The following ADARB2 variants were observed in gnomAD, a reference collection of about 807,000 sequenced individuals.
ADARB2 encodes inactive double-stranded RNA-specific editase B2.
Under a neutral mutation model 62.2 loss-of-function variants are expected in ADARB2, and 25 were observed. That is an observed-to-expected ratio of 0.40 (90% CI 0.29 to 0.56). The LOEUF is 0.56. ADARB2 is among the 20% of genes least tolerant of loss of function. ADARB2 has a pLI of 0.43. For synonymous variants in ADARB2, 572 were observed against 500.8 expected (o/e 1.14, Z -1.90); for missense variants, 1,071 against 1,077.4 (o/e 0.99, Z 0.08).
At position 1,379,445 on chromosome 10, in the gene ADARB2, C is replaced by T. The variant is rs576249717; in HGVS notation, c.101-285G>A. Among the ~76,000 whole-genome samples the T allele has an allele frequency of 4.6e-5, 7 of 152,234 alleles. No individual in the cohort carries two copies. In the East Asian group the frequency reaches 9.6e-4, roughly 21 times the overall value. ...CCCTTAAAACTTGCTATCTCCAGGGCGACAACCTTGCATCTGTTTACAAAA... is the reference window on the plus strand; with the variant it reads ...CCCTTAAAACTTGCTATCTCCAGGGTGACAACCTTGCATCTGTTTACAAAA... On this transcript the variant is annotated intron_variant, in intron 1 of 9. Transcript: ENST00000381312.
intron 1 of ADARB2, among the ~76,000 whole-genome samples, chr10:1,492,538 T>C (rs1831635407): frequency 6.6e-6 from 1 of 152,066 alleles, no homozygotes; most frequent in African/African-American, 2.4e-5. Context: ...ACTTCTGGCT[T>C]CCAGAACTAT....
chr10:1,626,789 T>C (rs1028537453), intron 1 of ADARB2, among the ~76,000 whole-genome samples: 29 of 152,178 alleles, frequency 1.9e-4, no homozygotes, highest in African/African-American at 6.0e-4. Flanking sequence ...AGTGGCCCGA[T>C]TGTTACATGT....
intron 1 of ADARB2, among the ~76,000 whole-genome samples, chr10:1,434,682 C>A (rs1053575652): frequency 6.6e-6 from 1 of 152,182 alleles, no homozygotes; most frequent in East Asian, 1.9e-4. Context: ...AGGGTAATCA[C>A]CCCGGCACCT....
At chr10:1,185,316 T>TC (rs1046174735) in intron 8 of ADARB2, among the ~76,000 whole-genome samples, 41 of 151,500 alleles carry the variant, frequency 2.7e-4, no homozygotes, top group African/African-American at 6.8e-4. Context: ...CCGTCCAGAT[T>TC]CCCCCCCCTT....
chr10:1,597,241 G>C (rs553875428), intron 1 of ADARB2, among the ~76,000 whole-genome samples: 1 of 152,150 alleles, frequency 6.6e-6, no homozygotes, highest in Admixed American at 6.5e-5. Context: ...TGGGGGAGGG[G>C]GATATGTGTA....
chr10:1,312,157 C>T (rs1487872303), intron 3 of ADARB2, among the ~76,000 whole-genome samples: 4 of 152,210 alleles, frequency 2.6e-5, no homozygotes, highest in East Asian at 1.9e-4. Flanking sequence ...GATTTGCAGG[C>T]GGCAAGTTTC....
At chr10:1,457,100 A>T (rs948811913) in intron 1 of ADARB2, among the ~76,000 whole-genome samples, 1 of 152,210 alleles carries the variant, frequency 6.6e-6, no homozygotes, top group Non-Finnish European at 1.5e-5. Flanking sequence ...GACATGGCAC[A>T]ATCTCCTGGG....
At chr10:1,222,801 C>G (rs1437058651) in intron 6 of ADARB2, among the ~76,000 whole-genome samples, 1 of 149,524 alleles carries the variant, frequency 6.7e-6, no homozygotes, top group Non-Finnish European at 1.5e-5. Context: ...CAGTACCATG[C>G]TGTTTTGGTT....
rs546140132 is a variant in ADARB2 at position 1,449,956 on chromosome 10, T to C, written c.101-70796A>G. ...GAGAGGCCTGCACAGTGCCTGTGCA[T>C]GCTAATTTTGTCTCGCTGACCCTGA... On this transcript the variant is annotated intron_variant, in intron 1 of 9. Transcript: ENST00000381312. Among the ~76,000 whole-genome samples, 10 of 152,344 alleles carry C rather than the reference T, an allele frequency of 6.6e-5. No homozygotes were observed. The East Asian group carries it at 1.7e-3, about 26-fold the overall frequency.
intron 1 of ADARB2, among the ~76,000 whole-genome samples, chr10:1,577,401 C>A (rs1415074500): frequency 6.6e-6 from 1 of 150,748 alleles, no homozygotes; most frequent in Admixed American, 6.6e-5. Flanking sequence ...TGGTGTAAGG[C>A]CATCCAGAAG....
chr10:1,517,362 C>T (rs1282339540), intron 1 of ADARB2, among the ~76,000 whole-genome samples: 1 of 152,164 alleles, frequency 6.6e-6, no homozygotes, highest in African/African-American at 2.4e-5. Context: ...GTAGAGACAT[C>T]CTGGAATGCT....
At chr10:1,437,027 T>C (rs1409586056) in intron 1 of ADARB2, among the ~76,000 whole-genome samples, 1 of 152,220 alleles carries the variant, frequency 6.6e-6, no homozygotes, top group Non-Finnish European at 1.5e-5. Context: ...CTGTCTAATG[T>C]ATGCTGTTAG....
intron 1 of ADARB2, among the ~76,000 whole-genome samples, chr10:1,514,535 G>A (rs541124958): frequency 7.7e-4 from 117 of 152,224 alleles, no homozygotes; most frequent in African/African-American, 2.8e-3. Context: ...CCCCCACACA[G>A]TCTGATAGAA....
chr10:1,571,981 T>A (rs1221561203), intron 1 of ADARB2, among the ~76,000 whole-genome samples: 211 of 89,188 alleles, frequency 2.4e-3, no homozygotes, highest in Middle Eastern at 0.02. Flanking sequence ...GTGAGTGTGC[T>A]GGTGAGTGTG....
At chr10:1,303,188 C>CTGAT in intron 3 of ADARB2, among the ~76,000 whole-genome samples, 1 of 152,102 alleles carries the variant, frequency 6.6e-6, no homozygotes, top group Middle Eastern at 3.4e-3. Context: ...CTTAAAGGAG[C>CTGAT]TGATAGAGCT....
intron 2 of ADARB2, among the ~76,000 whole-genome samples, chr10:1,369,102 A>G (rs532096435): frequency 6.6e-6 from 1 of 152,324 alleles, no homozygotes; most frequent in Middle Eastern, 3.4e-3. Context: ...GACTTTACAA[A>G]TTAACTTTTT....
At chr10:1,653,126 C>T (rs1283265008) in intron 1 of ADARB2, among the ~76,000 whole-genome samples, 1 of 152,194 alleles carries the variant, frequency 6.6e-6, no homozygotes, top group African/African-American at 2.4e-5. Context: ...TCTCCAAGGG[C>T]CACCTTCCCA....
intron 5 of ADARB2, among the ~76,000 whole-genome samples, chr10:1,240,732 A>C (rs1443907044): frequency 1.3e-5 from 2 of 152,216 alleles, no homozygotes; most frequent in African/African-American, 4.8e-5. Context: ...AGCTGGTGGC[A>C]CAGCACCAAG....
chr10:1,629,652 T>G (rs900955551), intron 1 of ADARB2, among the ~76,000 whole-genome samples: 1 of 148,940 alleles, frequency 6.7e-6, no homozygotes, highest in African/African-American at 2.5e-5. Flanking sequence ...CTGCAGATCC[T>G]GCAAGTCCAG....
Sources: allele counts gnomAD v4.1 joint callset (sites outside exome capture counted in the v4.1 genomes callset), GRCh38; gene constraint gnomAD v4.1.1; transcripts MANE v1.5; gene names NCBI Gene and HGNC (gene_info 2026-07-23, HGNC 2026-07-21).